RASSF3: variants seen among roughly 807,000 people sequenced by gnomAD.
RASSF3 encodes ras association domain-containing protein 3.
Under a neutral mutation model 19.9 loss-of-function variants are expected in RASSF3, and 19 were observed. The observed-to-expected ratio is 0.96, with a 90% CI of 0.67 to 1.40. RASSF3 has a LOEUF of 1.40. RASSF3 is among the 40% of genes most tolerant of loss of function. The pLI, the probability that RASSF3 is intolerant of heterozygous loss-of-function variation, is 0.00. For synonymous variants in RASSF3, 110 were observed against 104.2 expected (o/e 1.06, Z -0.34); for missense variants, 306 against 289.8 (o/e 1.06, Z -0.41).
chr12:64,526,034 A>T (rs1241236788), intron 1 of RASSF3, among the ~76,000 whole-genome samples: 3 of 152,230 alleles, frequency 2.0e-5, no homozygotes. Context: ...AATTGCCTTC[A>T]TTTCTCACTA....
intron 1 of RASSF3, among the ~76,000 whole-genome samples, chr12:64,510,046 C>T (rs1174383208): frequency 1.3e-5 from 2 of 149,826 alleles, no homozygotes; most frequent in East Asian, 3.9e-4. Flanking sequence ...GAGATCGCAC[C>T]ACTACACTGC....
intron 1 of RASSF3, among the ~76,000 whole-genome samples, chr12:64,627,092 A>G (rs191991724): frequency 8.3e-4 from 126 of 152,326 alleles, no homozygotes; most frequent in Non-Finnish European, 4.0e-4. Flanking sequence ...ATGTATTCCT[A>G]GATTATAGAT....
At chr12:64,668,122 T>G (rs1872583456) in intron 1 of RASSF3, among the ~76,000 whole-genome samples, 1 of 152,190 alleles carries the variant, frequency 6.6e-6, no homozygotes, top group African/African-American at 2.4e-5. Flanking sequence ...ATTTCTACCC[T>G]CGGGATTCCT....
At chr12:64,609,581 C>T (rs1870265251), upstream of RASSF3, 1 of 152,128 alleles carries the variant, frequency 6.6e-6, no homozygotes, top group African/African-American at 2.4e-5. Context: ...AGACTGTTAC[C>T]CACTGGTGGC....
At chr12:64,564,335 T>C (rs755747384) in intron 2 of RASSF3, among the ~76,000 whole-genome samples, 1 of 152,186 alleles carries the variant, frequency 6.6e-6, no homozygotes, top group African/African-American at 2.4e-5. Context: ...GATTCTTTGT[T>C]AGCCCCCTAA....
chr12:64,567,474 C>T (rs1228457426), intron 2 of RASSF3, among the ~76,000 whole-genome samples: 2 of 152,192 alleles, frequency 1.3e-5, no homozygotes, highest in African/African-American at 4.8e-5. Flanking sequence ...CTGCTGGCCA[C>T]TCTCAGCCCT....
In RASSF3 at chr12:64,535,316, T is replaced by TAA. The variant is rs112767038; in HGVS notation, c.67+1992_67+1993dup. ...AGTTGATGGAGTGAGACTCTGTCTC[T>TAA]AAAAAAAAAAACAAAATAAACAACA... On this transcript the variant is annotated intron_variant, in intron 1 of 1. Transcript: ENST00000636333. Among the ~76,000 whole-genome samples the TAA allele has an allele frequency of 3.5e-3, 516 of 146,460 alleles. 1 individual carries two copies. Among genetic ancestry groups the TAA allele is most frequent in the African/African-American group, 7.4e-3 (294 of 39,642 alleles).
chr12:64,614,589 A>T (rs946182064), intron 1 of RASSF3, among the ~76,000 whole-genome samples: 23 of 151,062 alleles, frequency 1.5e-4, no homozygotes, highest in Admixed American at 1.4e-3. Context: ...CTCAAATTAC[A>T]CTCTCTATTT....
intron 1 of RASSF3, among the ~76,000 whole-genome samples, chr12:64,513,431 C>T (rs1868340009): frequency 7.4e-6 from 1 of 135,960 alleles, no homozygotes; most frequent in Non-Finnish European, 1.5e-5. Flanking sequence ...GCCTGGGCGA[C>T]AAGAGCAGAA....
downstream of RASSF3, among the ~76,000 whole-genome samples, chr12:64,546,487 G>T (rs1038572739): frequency 1.3e-5 from 2 of 152,114 alleles, no homozygotes; most frequent in Admixed American, 6.5e-5. Flanking sequence ...AGCCAGGATG[G>T]TCTCGATCTC....
chr12:64,541,946 A>C (rs1229381572), downstream of RASSF3, among the ~76,000 whole-genome samples: 1 of 152,202 alleles, frequency 6.6e-6, no homozygotes. Flanking sequence ...CAGATTTGTC[A>C]TAAGATATGA....
intron 1 of RASSF3, among the ~76,000 whole-genome samples, chr12:64,508,756 T>C (rs917673532): frequency 2.6e-5 from 4 of 151,990 alleles, no homozygotes; most frequent in Non-Finnish European, 5.9e-5. Context: ...TGGTAGCACA[T>C]GCCTGTAATC....
chr12:64,684,926 C>T (rs752042070), intron 2 of RASSF3, 32 bp downstream of exon 2: 2 of 1,247,096 alleles, frequency 1.6e-6, no homozygotes, highest in Non-Finnish European at 1.2e-6. Flanking sequence ...TAGGTTGACA[C>T]CTGTCAAAAG....
chr12:64,661,677 C>CTTTTTTTTTTTT (rs71092993), intron 1 of RASSF3, among the ~76,000 whole-genome samples: 46 of 78,952 alleles, frequency 5.8e-4, no homozygotes, highest in Non-Finnish European at 7.6e-4. Context: ...TTTTCTTTTT[C>CTTTTTTTTTTTT]TTTTTTTTTT....
intron 1 of RASSF3, among the ~76,000 whole-genome samples, chr12:64,535,984 GC>G (rs1195803642): frequency 7.0e-6 from 1 of 142,944 alleles, no homozygotes; most frequent in Non-Finnish European, 1.5e-5. Context: ...ACCGCACCCA[GC>G]CTGTTTTCAC....
At chr12:64,673,678 G>A (rs1463886084) in intron 1 of RASSF3, among the ~76,000 whole-genome samples, 2 of 152,044 alleles carry the variant, frequency 1.3e-5, no homozygotes, top group Non-Finnish European at 2.9e-5. Context: ...TGCGTGGCTC[G>A]GAGTCCTCTA....
chr12:64,565,675 T>C (rs1451056045), intron 2 of RASSF3, among the ~76,000 whole-genome samples: 2 of 151,984 alleles, frequency 1.3e-5, no homozygotes, highest in Non-Finnish European at 2.9e-5. Context: ...ATCACGCCAT[T>C]GCACTCCAGC....
chr12:64,648,585 C>T (rs1007870474), intron 1 of RASSF3, among the ~76,000 whole-genome samples: 1 of 151,326 alleles, frequency 6.6e-6, no homozygotes. Flanking sequence ...TGGATTCAAG[C>T]GATTATCCTG....
At chr12:64,666,474 TAGCAGATTTG>T (rs562311739) in intron 1 of RASSF3, among the ~76,000 whole-genome samples, 18 of 152,326 alleles carry the variant, frequency 1.2e-4, no homozygotes, top group South Asian at 6.2e-4. Flanking sequence ...TGTCTAAAAT[TAGCAGATTTG>T]AGCAGATTTG....
Sources: gnomAD v4.1 joint callset for allele counts (sites outside exome capture counted in the v4.1 genomes callset) on GRCh38, gnomAD v4.1.1 for gene constraint, MANE v1.5 for transcripts, NCBI Gene and HGNC (gene_info 2026-07-23, HGNC 2026-07-21) for gene names.